GALNT2: variants seen among roughly 807,000 people sequenced by gnomAD.
GALNT2 encodes the protein polypeptide N-acetylgalactosaminyltransferase 2, also known as UDP-GalNAc:polypeptide N-acetylgalactosaminyltransferase 2.
GALNT2 carries 31 observed loss-of-function variants against 81.4 expected under a neutral mutation model. The observed-to-expected ratio is 0.38, with a 90% CI of 0.29 to 0.51. GALNT2 has a LOEUF of 0.51. GALNT2 is among the 20% of genes least tolerant of loss of function. The probability of loss-of-function intolerance (pLI) is 0.87; values close to 1 mark genes in which losing one functional copy is unlikely to be tolerated. For synonymous variants in GALNT2, 303 were observed against 287.4 expected (o/e 1.05, Z -0.55); for missense variants, 629 against 765.7 (o/e 0.82, Z 2.11).
At chr1:230,138,524 C>CAAA (rs35938447) in intron 1 of GALNT2, among the ~76,000 whole-genome samples, 8 of 75,882 alleles carry the variant, frequency 1.1e-4, no homozygotes, top group East Asian at 9.2e-4. Context: ...GACTCTGTCT[C>CAAA]AAAAAAAAAA....
chr1:230,127,475 A>T (rs1231956217), intron 1 of GALNT2, among the ~76,000 whole-genome samples: 1 of 152,038 alleles, frequency 6.6e-6, no homozygotes, highest in Non-Finnish European at 1.5e-5. Flanking sequence ...TCCTGGGTTC[A>T]AGTGATTCTC....
At chr1:230,248,910 T>C (rs748187723) in intron 8 of GALNT2, among the ~76,000 whole-genome samples, 3 of 152,190 alleles carry the variant, frequency 2.0e-5, no homozygotes, top group Non-Finnish European at 4.4e-5. Flanking sequence ...TTTTTTCCTA[T>C]GCATTTCAAT....
chr1:230,063,798 T>A (rs559063724), upstream of GALNT2, among the ~76,000 whole-genome samples: 1 of 152,324 alleles, frequency 6.6e-6, no homozygotes. Context: ...TCTGTTTTGT[T>A]TGATATCAGA....
In GALNT2 at chr1:230,092,184, T is replaced by TTG. The variant is rs796379271; in HGVS notation, c.126+24779_126+24780insGT. Among the ~76,000 whole-genome samples the TTG allele has an allele frequency of 1.2e-3, 142 of 119,540 alleles. 1 individual carries two copies. The highest frequency in any genetic ancestry group is 1.7e-3 in the East Asian group (7 of 4,114). The allele number at this position is 119,540 out of a possible 152,430, so 78.4% of individuals were successfully genotyped here. ...CACCTTATATTCCTTTAGTTTTTTT[T>TTG]TTTTTTTTTTTTGCACTGATCTTTC... is the stretch of plus-strand genomic sequence containing the variant. On this transcript the variant is annotated intron_variant, in intron 1 of 15. Coordinates refer to ENST00000366672, the MANE Select transcript of GALNT2 (RefSeq NM_004481.5).
chr1:230,244,485 A>T (rs1310879981), intron 7 of GALNT2, among the ~76,000 whole-genome samples: 1 of 122,840 alleles, frequency 8.1e-6, no homozygotes, highest in African/African-American at 3.1e-5. Flanking sequence ...ACCCACCCCA[A>T]CCCCACAACT....
chr1:230,213,406 G>T (rs1572094147), intron 3 of GALNT2, among the ~76,000 whole-genome samples: 2 of 152,182 alleles, frequency 1.3e-5, no homozygotes, highest in African/African-American at 4.8e-5. Context: ...CTTGTCAGTG[G>T]TAATGCTTCT....
intron 3 of GALNT2, among the ~76,000 whole-genome samples, chr1:230,214,116 T>C (rs1217700874): frequency 3.1e-5 from 1 of 32,066 alleles, no homozygotes; most frequent in Non-Finnish European, 4.5e-5. Context: ...TTAACTTTAC[T>C]TTTTTTTTTT....
rs576050289 is a variant in GALNT2, at chr1:230,120,767, C to T, written c.126+53361C>T. Among the ~76,000 whole-genome samples, 6 of 152,274 alleles carry T rather than the reference C, an allele frequency of 3.9e-5. No individual in the cohort carries two copies. In the East Asian group the frequency reaches 7.7e-4, roughly 20 times the overall value. ...CCTCCGCACACACTAAATGCCCTGCCGGTATCTTCTTTCCAGTGACTGTGG... is the reference window on the plus strand; with the variant it reads ...CCTCCGCACACACTAAATGCCCTGCTGGTATCTTCTTTCCAGTGACTGTGG... On this transcript the variant is annotated intron_variant, in intron 1 of 15. Coordinates refer to ENST00000366672, the MANE Select transcript of GALNT2 (RefSeq NM_004481.5).
chr1:230,165,410 T>C (rs1662572184), intron 1 of GALNT2, among the ~76,000 whole-genome samples: 1 of 152,258 alleles, frequency 6.6e-6, no homozygotes, highest in Admixed American at 6.5e-5. Flanking sequence ...TTCTGTTTTT[T>C]CTCTTATAAA....
At chr1:230,196,146 G>T (rs1036948487) in intron 2 of GALNT2, among the ~76,000 whole-genome samples, 1 of 152,256 alleles carries the variant, frequency 6.6e-6, no homozygotes, top group African/African-American at 2.4e-5. Context: ...TAGAGGATTT[G>T]CAGCCACTGG....
At chr1:230,179,988 C>T (rs1663106511) in intron 2 of GALNT2, among the ~76,000 whole-genome samples, 1 of 152,190 alleles carries the variant, frequency 6.6e-6, no homozygotes. Flanking sequence ...GGTGAAATCT[C>T]AGCTCATTGC....
chr1:230,228,181 C>T (rs906562602), intron 3 of GALNT2, among the ~76,000 whole-genome samples: 3 of 151,826 alleles, frequency 2.0e-5, no homozygotes, highest in African/African-American at 7.2e-5. Context: ...TAAAACATAA[C>T]TGAAGGATAT....
intron 1 of GALNT2, among the ~76,000 whole-genome samples, chr1:230,147,227 T>C (rs1023982338): frequency 1.3e-5 from 2 of 152,244 alleles, no homozygotes. Context: ...GAATTACCTT[T>C]GTGTTCCTTC....
At position 230,177,419 on chromosome 1, in the gene GALNT2, C is replaced by G. The variant is rs963244194; in HGVS notation, c.127-799C>G. On this transcript the variant is annotated intron_variant, in intron 1 of 15. Transcript: ENST00000366672. Reference sequence around the variant, plus strand: ...GGAGTCTGGTGGGAAAATTACTAGCCATGGCTTATTTCTGATTTGGGTTAT... The same window carrying G: ...GGAGTCTGGTGGGAAAATTACTAGCGATGGCTTATTTCTGATTTGGGTTAT... Among the ~76,000 whole-genome samples the G allele has an allele frequency of 1.9e-4, 29 of 152,370 alleles. No homozygotes were observed. In the Middle Eastern group the frequency reaches 0.01, roughly 54 times the overall value.
chr1:230,102,987 G>C (rs1182478708), intron 1 of GALNT2, among the ~76,000 whole-genome samples: 1 of 152,202 alleles, frequency 6.6e-6, no homozygotes, highest in East Asian at 1.9e-4. Flanking sequence ...ACTCACTGAG[G>C]CTCATATTGA....
intron 1 of GALNT2, among the ~76,000 whole-genome samples, chr1:230,123,300 T>C (rs929276643): frequency 6.6e-6 from 1 of 152,172 alleles, no homozygotes; most frequent in Non-Finnish European, 1.5e-5. Flanking sequence ...AAAAAACAAA[T>C]GTGCTTTAGA....
intron 1 of GALNT2, among the ~76,000 whole-genome samples, chr1:230,158,392 A>T (rs1049391516): frequency 6.6e-6 from 1 of 152,214 alleles, no homozygotes; most frequent in African/African-American, 2.4e-5. Context: ...TTTCTCAGAG[A>T]TGGGGAAACT....
chr1:230,127,678 T>A (rs978824349), intron 1 of GALNT2, among the ~76,000 whole-genome samples: 1 of 76,580 alleles, frequency 1.3e-5, no homozygotes, highest in Non-Finnish European at 2.8e-5. Flanking sequence ...CGGCCGAGGG[T>A]TTTTTTTTTT....
rs72647712 is a variant in GALNT2, at chr1:230,280,100, G to C, written c.*642G>C. The C allele has an allele frequency of 0.043, 18,440 of 430,368 alleles. 528 individuals carry two copies. Among genetic ancestry groups the C allele is most frequent in the Middle Eastern group, 0.077 (196 of 2,556 alleles). The allele number at this position is 430,368 out of a possible 1,614,324, so 26.7% of individuals were successfully genotyped here. Reference sequence around the variant, plus strand: ...AAAGAATGTACGGTCAGTTCCCTATGGTTTCTGTAGATCATCGTCATCTTG... The same window carrying C: ...AAAGAATGTACGGTCAGTTCCCTATCGTTTCTGTAGATCATCGTCATCTTG... On this transcript the variant is annotated 3_prime_UTR_variant, in exon 16 of 16. Coordinates refer to ENST00000366672, the MANE Select transcript of GALNT2 (RefSeq NM_004481.5).
Sources: allele counts gnomAD v4.1 joint callset (sites outside exome capture counted in the v4.1 genomes callset), GRCh38; gene constraint gnomAD v4.1.1; transcripts MANE v1.5; gene names NCBI Gene and HGNC (gene_info 2026-07-23, HGNC 2026-07-21).